The following CMC1 variants were observed in gnomAD, a reference collection of about 807,000 sequenced individuals.
The protein encoded by CMC1 is COX assembly mitochondrial protein homolog.
Under a neutral mutation model 14.1 loss-of-function variants are expected in CMC1, and 14 were observed. The observed-to-expected ratio is 0.99, with a 90% CI of 0.66 to 1.55. The LOEUF (loss-of-function observed/expected upper bound fraction) is 1.55, where lower values mean the gene tolerates loss of function less well. Among genes scored for constraint, CMC1 ranks in the 40% most tolerant of loss-of-function variants. CMC1 has a pLI of 0.00. For synonymous variants in CMC1, 50 were observed against 38.4 expected, an observed-to-expected ratio of 1.30 and a Z score of -1.12; for missense variants, 127 against 123.8, an observed-to-expected ratio of 1.03 and a Z score of -0.12.
intron 2 of CMC1, among the ~76,000 whole-genome samples, chr3:28,287,053 A>AT (rs1701222639): frequency 6.6e-6 from 1 of 152,072 alleles, no homozygotes; most frequent in Non-Finnish European, 1.5e-5. Flanking sequence ...CCGTCAACAC[A>AT]TTTTCAGGTA....
chr3:28,263,538 C>T (rs909580972), intron 2 of CMC1, among the ~76,000 whole-genome samples, 158 bp downstream of exon 2: 6 of 152,026 alleles, frequency 3.9e-5, no homozygotes, highest in Non-Finnish European at 8.8e-5. Flanking sequence ...TCAGAACTTC[C>T]AGTGATGTTC....
Position 28,301,026 on chromosome 3 carries a change from T to A in CMC1, c.110-15307T>A, listed in dbSNP as rs10460985. Among the ~76,000 whole-genome samples, 164 of 151,236 alleles carry A rather than the reference T, an allele frequency of 1.1e-3. 4 individuals are homozygous for A. The East Asian group carries it at 0.024, about 22-fold the overall frequency. On this transcript the variant is annotated intron_variant, in intron 2 of 3. Coordinates refer to ENST00000466830, the MANE Select transcript of CMC1 (RefSeq NM_182523.2). Reference sequence around the variant, plus strand: ...GGGTCATTCCCTATCAGTGTGCTATTTTTTTTAGTGGCTACATAGTATTTC... The same window carrying A: ...GGGTCATTCCCTATCAGTGTGCTATATTTTTTAGTGGCTACATAGTATTTC...
At chr3:28,307,148 G>A (rs1577086665) in intron 2 of CMC1, among the ~76,000 whole-genome samples, 1 of 152,292 alleles carries the variant, frequency 6.6e-6, no homozygotes, top group East Asian at 1.9e-4. Flanking sequence ...AGATGAAAGA[G>A]TACTGCGTTG....
chr3:28,241,739 C>G lies in CMC1; in HGVS notation c.-55C>G. ...AGCCCAAGCCCCTCCCCTCCACTCC[C>G]CTTCCTGCGTGCCCCGGAGCCGCCA... On this transcript the variant is annotated 5_prime_UTR_variant, in exon 1 of 4. Transcript: ENST00000466830. The G allele has an allele frequency of 8.1e-7, 1 of 1,241,850 alleles. No homozygotes were observed. 76.9% of individuals were successfully genotyped at this position (1,241,850 alleles called of 1,614,324 possible). A position where few individuals can be genotyped will look rare whatever the true frequency, so the allele number is the denominator to read the frequency against.
In CMC1 at chr3:28,291,168, G is replaced by A. The variant is rs555478280; in HGVS notation, c.110-25165G>A. 1.1e-3 allele frequency among the ~76,000 whole-genome samples: 165 copies of A among 152,268 alleles called. 1 individual carries two copies. Among genetic ancestry groups the A allele is most frequent in the Non-Finnish European group, 1.9e-3 (127 of 68,026 alleles). ...CACAGTCTTTTGTAACTCAGTCATA[G>A]AAGTGACATCCTGTCTGCATTACCA... On this transcript the variant is annotated intron_variant, in intron 2 of 3. Coordinates refer to ENST00000466830, the MANE Select transcript of CMC1 (RefSeq NM_182523.2).
At chr3:28,275,510 GA>G (rs1351098194) in intron 2 of CMC1, among the ~76,000 whole-genome samples, 2 of 151,880 alleles carry the variant, frequency 1.3e-5, no homozygotes, top group African/African-American at 4.8e-5. Context: ...CTTGGTCTCA[GA>G]GGGGCACCGA....
intron 2 of CMC1, among the ~76,000 whole-genome samples, chr3:28,280,853 C>G (rs1425593441): frequency 1.3e-5 from 2 of 152,138 alleles, no homozygotes; most frequent in Admixed American, 1.3e-4. Context: ...TGTATTTATT[C>G]AACAGTTGGC....
chr3:28,287,994 CGTA>C (rs1559425949), intron 2 of CMC1, among the ~76,000 whole-genome samples: 1 of 151,788 alleles, frequency 6.6e-6, no homozygotes, highest in Non-Finnish European at 1.5e-5. Context: ...AATTGAGTCT[CGTA>C]GTGGTACTAG....
Position 28,323,482 on chromosome 3 carries a change from CTG to C in CMC1, c.*3856_*3857del, listed in dbSNP as rs1466996271. 1 of 150,836 alleles carries C rather than the reference CTG, an allele frequency of 6.6e-6. No individual in the cohort carries two copies. The highest frequency in any genetic ancestry group is 1.5e-5 in the Non-Finnish European group (1 of 67,142). 9.3% of individuals were successfully genotyped at this position (150,836 alleles called of 1,614,324 possible). Reference sequence around the variant, plus strand: ...CTAAAAAAATTTTATCAACAAAACACTGTGACCAAAAAATCACTTTAAATCTT... The same window carrying C: ...CTAAAAAAATTTTATCAACAAAACACTGACCAAAAAATCACTTTAAATCTT... On this transcript the variant is annotated 3_prime_UTR_variant, in exon 4 of 4. Transcript: ENST00000466830.
intron 2 of CMC1, among the ~76,000 whole-genome samples, chr3:28,281,378 T>C (rs1700886186): frequency 6.6e-6 from 1 of 152,202 alleles, no homozygotes; most frequent in Non-Finnish European, 1.5e-5. Context: ...CTTTTCTGAG[T>C]TTTTTCTAGG....
At chr3:28,294,738 G>A (rs1577065070) in intron 2 of CMC1, among the ~76,000 whole-genome samples, 1 of 151,472 alleles carries the variant, frequency 6.6e-6, no homozygotes, top group Admixed American at 6.6e-5. Flanking sequence ...TTCCATTTTC[G>A]CTTTAGGAAA....
chr3:28,324,142 G>C lies in CMC1; in HGVS notation c.*4513G>C. On this transcript the variant is annotated 3_prime_UTR_variant, in exon 4 of 4. Transcript: ENST00000466830. ...TTTAGTTTTAGTTTCCCCAAATGCTGTCTCACTTGATTTAGGAGGACTTGG... is the reference window on the plus strand; with the variant it reads ...TTTAGTTTTAGTTTCCCCAAATGCTCTCTCACTTGATTTAGGAGGACTTGG... The C allele has an allele frequency of 6.2e-7, 1 of 1,610,578 alleles. No homozygotes were observed. Among genetic ancestry groups the C allele is most frequent in the Non-Finnish European group, 8.5e-7 (1 of 1,177,562 alleles).
chr3:28,291,251 A>G (rs1701455683), intron 2 of CMC1, among the ~76,000 whole-genome samples: 1 of 152,126 alleles, frequency 6.6e-6, no homozygotes, highest in African/African-American at 2.4e-5. Flanking sequence ...GAGGGGTGAC[A>G]TGGACATGAA....
intron 2 of CMC1, among the ~76,000 whole-genome samples, chr3:28,272,238 C>T (rs974195832): frequency 6.6e-6 from 1 of 152,096 alleles, no homozygotes; most frequent in South Asian, 2.1e-4. Context: ...TTGCCCTGGC[C>T]ACAATTTCCA....
chr3:28,259,423 C>CA (rs1491246810), intron 1 of CMC1, among the ~76,000 whole-genome samples: 1 of 151,656 alleles, frequency 6.6e-6, no homozygotes, highest in Non-Finnish European at 1.5e-5. Context: ...GAAAAAATGT[C>CA]AAAAAAGGGT....
chr3:28,266,813 T>C (rs906551522), intron 2 of CMC1, among the ~76,000 whole-genome samples: 7 of 152,212 alleles, frequency 4.6e-5, no homozygotes, highest in African/African-American at 1.4e-4. Context: ...TTTAATTTTA[T>C]AGTATTCTTT....
At chr3:28,307,934 A>G (rs1388541915) in intron 2 of CMC1, among the ~76,000 whole-genome samples, 24 of 152,242 alleles carry the variant, frequency 1.6e-4, no homozygotes, top group Non-Finnish European at 4.4e-5. Context: ...CAAAGATGCA[A>G]GTATTCTCTT....
intron 2 of CMC1, among the ~76,000 whole-genome samples, chr3:28,275,443 G>A (rs1700533039): frequency 6.7e-6 from 1 of 149,508 alleles, no homozygotes; most frequent in South Asian, 2.1e-4. Flanking sequence ...ATCTGAAGGT[G>A]TCACCAGTGG....
chr3:28,254,341 TTGA>T (rs1559401256), intron 1 of CMC1, among the ~76,000 whole-genome samples: 1 of 152,156 alleles, frequency 6.6e-6, no homozygotes, highest in African/African-American at 2.4e-5. Flanking sequence ...TAATAAATCA[TTGA>T]TATTTAGTGG....
Sources: allele counts gnomAD v4.1 joint callset (sites outside exome capture counted in the v4.1 genomes callset), GRCh38; gene constraint gnomAD v4.1.1; transcripts MANE v1.5; gene names NCBI Gene and HGNC (gene_info 2026-07-23, HGNC 2026-07-21).